The following IGLL5 variants were observed in gnomAD, a reference collection of about 807,000 sequenced individuals.
IGLL5 encodes the protein immunoglobulin lambda like polypeptide 5, also known as immunoglobulin lambda-like polypeptide 5.
A neutral mutation model predicts 20.9 loss-of-function variants in IGLL5; 30 were observed. The observed-to-expected ratio is 1.44, with a 90% CI of 1.07 to 1.95. The LOEUF (loss-of-function observed/expected upper bound fraction) is 1.95, where lower values mean the gene tolerates loss of function less well. IGLL5 is among the 30% of genes most tolerant of loss of function. The pLI is 0.00. For missense variants in IGLL5, 475 were observed against 270.7 expected (o/e 1.75, Z -5.30); for synonymous variants, 203 against 117.3 (o/e 1.73, Z -4.72).
intron 2 of IGLL5, 137 bp downstream of exon 2, chr22:22,893,955 GA>G: frequency 1.4e-6 from 1 of 715,412 alleles, no homozygotes; most frequent in African/African-American, 1.7e-5. Context: ...ATGGGGCCTG[GA>G]GGAGGTGCAT....
chr22:22,887,833 G>A lies in IGLL5; in HGVS notation c.-221G>A. The A allele has an allele frequency of 1.7e-6, 1 of 604,114 alleles. No homozygotes were observed. The highest frequency in any genetic ancestry group is 3.0e-6 in the Non-Finnish European group (1 of 337,850). The allele number at this position is 604,114 out of a possible 1,614,324, so 37.4% of individuals were successfully genotyped here. ...CCTGGATTGTGACCGCTTCAGGGCA[G>A]TTGGTAGATGCCCCTCTGGGAGAGA... is the stretch of plus-strand genomic sequence containing the variant. On this transcript the variant is annotated 5_prime_UTR_variant, in exon 1 of 3. Transcript: ENST00000526893.
chr22:22,894,004 G>A (rs2067965608), intron 2 of IGLL5, among the ~76,000 whole-genome samples, 186 bp downstream of exon 2: 2 of 149,982 alleles, frequency 1.3e-5, no homozygotes, highest in Admixed American at 6.6e-5. Flanking sequence ...CCTCCACAGT[G>A]GGAGCAGCCG....
intron 1 of IGLL5, among the ~76,000 whole-genome samples, chr22:22,888,529 C>G (rs189361441): frequency 1.3e-5 from 2 of 151,408 alleles, no homozygotes; most frequent in Admixed American, 6.6e-5. Flanking sequence ...GCCTCAATCA[C>G]CTAGTCCTAG....
chr22:22,893,919 T>C (rs556352173), intron 2 of IGLL5, 101 bp downstream of exon 2: 9 of 845,694 alleles, frequency 1.1e-5, no homozygotes, highest in East Asian at 4.9e-5. Context: ...CCTCCCAGCC[T>C]TAAGCACTGA....
rs143407025 is a variant in IGLL5 at position 22,893,685 on chromosome 22, C to T, written c.207-15C>T. 6,830 of 1,566,662 alleles carry T rather than the reference C, an allele frequency of 4.4e-3. 50 individuals are homozygous for T. Among genetic ancestry groups the T allele is most frequent in the South Asian group, 0.021 (1,856 of 88,080 alleles). The stretch of plus-strand genomic sequence containing the variant: ...GCCCCGCCCACTGCAACCCTGTGCC[C>T]GTCATGCCCAGCAGGCTCCTGCTCC... On this transcript the variant is annotated splice_polypyrimidine_tract_variant and intron_variant, in intron 1 of 2. Transcript: ENST00000526893.
At position 22,889,431 on chromosome 22, in the gene IGLL5, A is replaced by T. The variant is rs2067718354; in HGVS notation, c.206+1172A>T. ...TAAACTGGGCAATTCCACTTCTAGGAATTTATCCTAAGGGTTGGTTGGGGG... is the reference window on the plus strand; with the variant it reads ...TAAACTGGGCAATTCCACTTCTAGGTATTTATCCTAAGGGTTGGTTGGGGG... On this transcript the variant is annotated intron_variant, in intron 1 of 2. Transcript: ENST00000526893. Among the ~76,000 whole-genome samples the T allele has an allele frequency of 1.3e-5, 2 of 151,272 alleles. 1 individual carries two copies. The highest frequency in any genetic ancestry group is 4.0e-4 in the East Asian group (2 of 4,948).
At chr22:22,888,392 T>A (rs563535096) in intron 1 of IGLL5, 133 bp downstream of exon 1, 10 of 689,740 alleles carry the variant, frequency 1.4e-5, no homozygotes, top group East Asian at 2.8e-5. Flanking sequence ...ACACTGGCTT[T>A]AGTAATGGGT....
intron 1 of IGLL5, among the ~76,000 whole-genome samples, chr22:22,891,629 A>G (rs186540098): frequency 6.6e-6 from 1 of 151,418 alleles, no homozygotes; most frequent in Non-Finnish European, 1.5e-5. Context: ...CTATCTTTAT[A>G]ATGCTCAGTG....
rs139451152 is a variant in IGLL5 at position 22,893,860 on chromosome 22, C to G, written c.325+42C>G. 66 of 1,329,772 alleles carry G rather than the reference C, an allele frequency of 5.0e-5. 5 individuals are homozygous for G. Among genetic ancestry groups the G allele is most frequent in the Middle Eastern group, 1.8e-4 (1 of 5,478 alleles). 82.4% of individuals were successfully genotyped at this position (1,329,772 alleles called of 1,614,324 possible). ...CTTTCCCAGCCTGTCTCACCCTCTG[C>G]TGTCCCTGGAAAATCTGTTTTCTCT... On this transcript the variant is annotated intron_variant, in intron 2 of 2. Coordinates refer to ENST00000526893, the MANE Select transcript of IGLL5 (RefSeq NM_001178126.2).
At position 22,892,050 on chromosome 22, in the gene IGLL5, A is replaced by G. The variant is rs1404199295; in HGVS notation, c.207-1650A>G. ...CTGGAATCTATACAATATGCTGAAT[A>G]ATAAAAGTGAGACTAGACAACCTTG... is the stretch of plus-strand genomic sequence containing the variant. On this transcript the variant is annotated intron_variant, in intron 1 of 2. Coordinates refer to ENST00000526893, the MANE Select transcript of IGLL5 (RefSeq NM_001178126.2). 1.3e-4 allele frequency among the ~76,000 whole-genome samples: 20 copies of G among 151,242 alleles called. No homozygotes were observed. The Admixed American group carries it at 1.3e-3, about 10-fold the overall frequency.
At position 22,888,853 on chromosome 22, in the gene IGLL5, T is replaced by A. The variant is rs543192942; in HGVS notation, c.206+594T>A. Among the ~76,000 whole-genome samples, 8 of 151,234 alleles carry A rather than the reference T, an allele frequency of 5.3e-5. No individual in the cohort carries two copies. In the South Asian group the frequency reaches 6.3e-4, roughly 12 times the overall value. ...GGCCCACGGCCCATGTTTGGAGCAA[T>A]AAAGGGAGAGGGGATCTCCCTCTGG... On this transcript the variant is annotated intron_variant, in intron 1 of 2. Transcript: ENST00000526893.
intron 1 of IGLL5, 116 bp from the exon 2 acceptor site, chr22:22,893,584 C>A: frequency 1.6e-6 from 1 of 635,000 alleles, no homozygotes; most frequent in Non-Finnish European, 2.8e-6. Flanking sequence ...GTGTGTGGCA[C>A]TTGCCTTGGA....
intron 1 of IGLL5, among the ~76,000 whole-genome samples, chr22:22,889,766 A>T (rs554236310): frequency 1.3e-5 from 2 of 151,192 alleles, no homozygotes; most frequent in East Asian, 4.1e-4. Context: ...TTTGATTAGG[A>T]TTATTATTAG....
chr22:22,894,848 G>A (rs553129962), intron 2 of IGLL5, among the ~76,000 whole-genome samples: 3 of 151,462 alleles, frequency 2.0e-5, no homozygotes, highest in Admixed American at 6.6e-5. Flanking sequence ...AGTGGGCTGG[G>A]CTGGGGCAGA....
chr22:22,893,955 G>A (rs2067955843), intron 2 of IGLL5, 137 bp downstream of exon 2: 4 of 715,418 alleles, frequency 5.6e-6, no homozygotes, highest in East Asian at 2.6e-5. Flanking sequence ...ATGGGGCCTG[G>A]AGGAGGTGCA....
chr22:22,894,431 G>A (rs117316050), intron 2 of IGLL5, among the ~76,000 whole-genome samples: 4 of 151,466 alleles, frequency 2.6e-5, no homozygotes, highest in East Asian at 2.0e-4. Flanking sequence ...GACTGGGTGA[G>A]GTGCCAGAAT....
rs184526385 is a variant in IGLL5, at chr22:22,894,511, C to T, written c.325+693C>T. On this transcript the variant is annotated intron_variant, in intron 2 of 2. Coordinates refer to ENST00000526893, the MANE Select transcript of IGLL5 (RefSeq NM_001178126.2). ...GGCAGAGATGTGTCTGTCCCTGGAGCCCCGTCACCTCTGGGGCCCAGTGTC... is the reference window on the plus strand; with the variant it reads ...GGCAGAGATGTGTCTGTCCCTGGAGTCCCGTCACCTCTGGGGCCCAGTGTC... Among the ~76,000 whole-genome samples, 12 of 151,470 alleles carry T rather than the reference C, an allele frequency of 7.9e-5. 1 individual carries two copies. The highest frequency in any genetic ancestry group is 7.5e-3 in the Middle Eastern group (2 of 268).
At chr22:22,888,724 A>C (rs564338484) in intron 1 of IGLL5, among the ~76,000 whole-genome samples, 1 of 151,338 alleles carries the variant, frequency 6.6e-6, no homozygotes, top group East Asian at 2.0e-4. Context: ...GTCTCCCCCA[A>C]GGCTGTCTGT....
Position 22,888,774 on chromosome 22 carries a change from A to C in IGLL5, c.206+515A>C, listed in dbSNP as rs558190104. On this transcript the variant is annotated intron_variant, in intron 1 of 2. Coordinates refer to ENST00000526893, the MANE Select transcript of IGLL5 (RefSeq NM_001178126.2). ...ATAAATGCTTACTGGGGCCAGGCTC[A>C]AGGACACAGGGAGGGTGGGATGAAC... 4.6e-5 allele frequency among the ~76,000 whole-genome samples: 7 copies of C among 151,416 alleles called. 1 individual carries two copies. The highest frequency in any genetic ancestry group is 3.7e-3 in the Middle Eastern group (1 of 268).
Sources: gnomAD v4.1 joint callset for allele counts (sites outside exome capture counted in the v4.1 genomes callset) on GRCh38, gnomAD v4.1.1 for gene constraint, MANE v1.5 for transcripts, NCBI Gene and HGNC (gene_info 2026-07-23, HGNC 2026-07-21) for gene names.